The following NYNRIN variants were observed in gnomAD, a reference collection of about 807,000 sequenced individuals.
NYNRIN encodes the protein protein NYNRIN.
NYNRIN carries 86 observed loss-of-function variants against 146.6 expected under a neutral mutation model. The observed-to-expected ratio is 0.59, with a 90% CI of 0.49 to 0.70. The LOEUF is 0.70. NYNRIN is among the 30% of genes least tolerant of loss of function. The pLI, the probability that NYNRIN is intolerant of heterozygous loss-of-function variation, is 0.00. For missense variants in NYNRIN, 2,191 were observed against 2,377.7 expected, an observed-to-expected ratio of 0.92 and a Z score of 1.63; for synonymous variants, 1,027 against 1,001.3, an observed-to-expected ratio of 1.03 and a Z score of -0.48.
chr14:24,414,626 G>A lies in NYNRIN; in HGVS notation c.2877G>A (p.Lys959=), dbSNP rs777315520. The change falls in exon 9 of 9, where the codon AAG becomes AAA. Residue 959 remains lysine, a synonymous_variant. Transcript: ENST00000382554. ...ACACTGACATTGGCAACTTCCTGAA[G>A]GTGTGGAAGACCCTTCCTCCCAGCT... ...RLDTDIGNFL[K]VWKTLPPSSA... 1.3e-5 allele frequency: 21 copies of A among 1,613,204 alleles called. No homozygotes were observed. Among genetic ancestry groups the A allele is most frequent in the Non-Finnish European group, 1.8e-5 (21 of 1,179,458 alleles).
chr14:24,403,030 C>T (rs1217937522), intron 2 of NYNRIN, among the ~76,000 whole-genome samples: 1 of 152,078 alleles, frequency 6.6e-6, no homozygotes, highest in East Asian at 1.9e-4. Context: ...TTTTTTTGGT[C>T]CCATTATCGT....
In NYNRIN at chr14:24,411,526, T is replaced by C; in HGVS notation, c.2642+76T>C. On this transcript the variant is annotated intron_variant, in intron 6 of 8. Transcript: ENST00000382554. This position sits in a 1 kb window ranked among gnomAD's most constrained non-coding sequence, Gnocchi z 4.3. Reference sequence around the variant, plus strand: ...CTGGTGTGTCAGGTGGAGTCCGGCCTGTCTTCTCTGGGGAAATGGAGGCAA... The same window carrying C: ...CTGGTGTGTCAGGTGGAGTCCGGCCCGTCTTCTCTGGGGAAATGGAGGCAA... The C allele has an allele frequency of 7.8e-7, 1 of 1,278,102 alleles. No individual in the cohort carries two copies. Among genetic ancestry groups the C allele is most frequent in the Non-Finnish European group, 1.1e-6 (1 of 882,378 alleles). 79.2% of individuals were successfully genotyped at this position (1,278,102 alleles called of 1,614,324 possible).
chr14:24,409,652 A>G lies in NYNRIN; in HGVS notation c.1858A>G (p.Thr620Ala), dbSNP rs1191717861. 1 of 1,606,854 alleles carries G rather than the reference A, an allele frequency of 6.2e-7. No individual in the cohort carries two copies. Among genetic ancestry groups the G allele is most frequent in the Non-Finnish European group, 8.5e-7 (1 of 1,176,652 alleles). The change falls in exon 4 of 9, where the codon ACA (threonine) becomes GCA (alanine). Residue 620 changes from threonine to alanine, a missense_variant. Coordinates refer to ENST00000382554, the MANE Select transcript of NYNRIN (RefSeq NM_025081.3). The part of the protein sequence containing the change: ...QPVLVAQVEP[T>A]TPKTPQAQKM... ...AGTGTTGGTAGCTCAAGTGGAACCC[A>G]CAACTCCAAAAACTCCCCAGGCTCA... is the stretch of plus-strand genomic sequence containing the variant.
At chr14:24,405,070 G>A (rs1444026057) in intron 2 of NYNRIN, among the ~76,000 whole-genome samples, 1 of 146,788 alleles carries the variant, frequency 6.8e-6, no homozygotes, top group East Asian at 1.9e-4. Context: ...GTGTGTGAAT[G>A]TGTGTGTGTG....
chr14:24,411,567 C>A lies in NYNRIN; in HGVS notation c.2642+117C>A. The A allele has an allele frequency of 1.1e-6, 1 of 882,198 alleles. No individual in the cohort carries two copies. The highest frequency in any genetic ancestry group is 1.5e-5 in the South Asian group (1 of 68,636). 54.6% of individuals were successfully genotyped at this position (882,198 alleles called of 1,614,324 possible). A position where few individuals can be genotyped will look rare whatever the true frequency, so the allele number is the denominator to read the frequency against. On this transcript the variant is annotated intron_variant, in intron 6 of 8. Coordinates refer to ENST00000382554, the MANE Select transcript of NYNRIN (RefSeq NM_025081.3). This position sits in a 1 kb window ranked among gnomAD's most constrained non-coding sequence, Gnocchi z 4.3. ...ATGGAGGCAAACATGTTGGGGGTGT[C>A]GGTTGTGCAGAGGGTGGGGTGGAGC... is the stretch of plus-strand genomic sequence containing the variant.
chr14:24,410,890 C>T (rs2042908560), intron 4 of NYNRIN, among the ~76,000 whole-genome samples, 186 bp from the exon 5 acceptor site: 1 of 152,218 alleles, frequency 6.6e-6, no homozygotes, highest in South Asian at 2.1e-4. Flanking sequence ...CATGCACGCG[C>T]ACACACACAG....
rs776506480 is a variant in NYNRIN, at chr14:24,408,733, G to A, written c.939G>A (p.Thr313=). The A allele has an allele frequency of 2.5e-6, 4 of 1,613,786 alleles. No homozygotes were observed. Among genetic ancestry groups the A allele is most frequent in the Non-Finnish European group, 3.4e-6 (4 of 1,179,864 alleles). Residue 313 remains threonine (T), a synonymous_variant, in exon 4 of 9, where the codon ACG becomes ACA. Coordinates refer to ENST00000382554, the MANE Select transcript of NYNRIN (RefSeq NM_025081.3). ...AAGCCACCAGCAGCCAGGACTCCACGAACCACACACAAGCCTTGTTGAAGC... is the reference window on the plus strand; with the variant it reads ...AAGCCACCAGCAGCCAGGACTCCACAAACCACACACAAGCCTTGTTGAAGC... ...TVQATSSQDS[T]NHTQALLKQR... is the part of the protein sequence containing the mutation.
chr14:24,402,048 G>A (rs949091276), intron 2 of NYNRIN, among the ~76,000 whole-genome samples: 5 of 152,222 alleles, frequency 3.3e-5, no homozygotes, highest in African/African-American at 1.2e-4. Flanking sequence ...GGCTGATGGT[G>A]AGGGTGGCTT....
intron 6 of NYNRIN, 171 bp from the exon 7 acceptor site, chr14:24,412,826 A>G (rs2042920494): frequency 1.9e-6 from 1 of 540,480 alleles, no homozygotes; most frequent in South Asian, 2.0e-5. Context: ...GTGATCTCAC[A>G]TGGCTGCATA....
chr14:24,413,272 T>A, intron 7 of NYNRIN, 44 bp from the exon 8 acceptor site: 1 of 1,564,590 alleles, frequency 6.4e-7, no homozygotes, highest in South Asian at 1.2e-5. Flanking sequence ...TGTGGGTGGG[T>A]CAAGGGCTCA....
At position 24,409,785 on chromosome 14, in the gene NYNRIN, C is replaced by T. The variant is rs1433103582; in HGVS notation, c.1991C>T (p.Ala664Val). Residue 664 changes from alanine (A) to valine (V), a missense_variant, in exon 4 of 9, where the codon GCA (alanine) becomes GTA (valine). Around this residue, in one of 3 missense-constraint regions of NYNRIN, gnomAD observed 895 missense variants for 941.2 expected, o/e 0.95. Coordinates refer to ENST00000382554, the MANE Select transcript of NYNRIN (RefSeq NM_025081.3). ...SKAPAASKAPAAPKVPVTPRV... is the reference protein window; with the variant it reads ...SKAPAASKAPVAPKVPVTPRV... ...GCACCTGCAGCTTCCAAAGCACCTG[C>T]AGCTCCCAAAGTACCTGTGACCCCC... 1 of 1,612,936 alleles carries T rather than the reference C, an allele frequency of 6.2e-7. No individual in the cohort carries two copies. The highest frequency in any genetic ancestry group is 1.1e-5 in the South Asian group (1 of 90,734).
At chr14:24,406,132 T>C (rs750796002) in intron 2 of NYNRIN, among the ~76,000 whole-genome samples, 1 of 151,212 alleles carries the variant, frequency 6.6e-6, no homozygotes, top group African/African-American at 2.4e-5. Flanking sequence ...AGTGGAAAAA[T>C]TCTGGTATCA....
chr14:24,416,286 T>C lies in NYNRIN; in HGVS notation c.4537T>C (p.Ser1513Pro), dbSNP rs2042945356. 1.9e-6 allele frequency: 3 copies of C among 1,613,838 alleles called. No homozygotes were observed. The highest frequency in any genetic ancestry group is 2.5e-6 in the Non-Finnish European group (3 of 1,179,826). Residue 1513 changes from serine to proline, a missense_variant, in exon 9 of 9, where the codon TCA (serine) becomes CCA (proline). Around this residue, in one of 3 missense-constraint regions of NYNRIN, gnomAD observed 1,291 missense variants for 1,417.0 expected, o/e 0.91. Transcript: ENST00000382554. Reference protein sequence around the residue: ...GSSPFSSAFNSLSLDKESGLL... With the variant: ...GSSPFSSAFNPLSLDKESGLL... ...CTCACCGTTTAGTTCTGCCTTTAAC[T>C]CACTCAGCCTCGACAAGGAGAGTGG...
chr14:24,413,147 G>T (rs1030051891), intron 7 of NYNRIN, 49 bp downstream of exon 7: 1 of 1,438,204 alleles, frequency 7.0e-7, no homozygotes, highest in South Asian at 1.2e-5. Flanking sequence ...TTGGATGTCA[G>T]GCAGCCCCTG....
rs2042896092 is a variant in NYNRIN at position 24,409,324 on chromosome 14, G to C, written c.1530G>C (p.Glu510Asp). 6.2e-7 allele frequency: 1 copy of C among 1,613,966 alleles called. No homozygotes were observed. Among genetic ancestry groups the C allele is most frequent in the African/African-American group, 1.3e-5 (1 of 74,952 alleles). The part of the protein sequence containing the change: ...SMQLDFKGLE[E>D]GPAPVLPTGQ... ...AGTTAGATTTTAAGGGACTGGAAGA[G>C]GGACCCGCTCCAGTGCTGCCAACAG... Residue 510 changes from glutamate to aspartate, a missense_variant, in exon 4 of 9, where the codon GAG becomes GAC. Glu to Asp is a conservative substitution (Grantham distance 45). This residue lies in a region of NYNRIN where 895 missense variants were observed against 941.2 expected (regional missense o/e 0.95). Coordinates refer to ENST00000382554, the MANE Select transcript of NYNRIN (RefSeq NM_025081.3).
At chr14:24,402,774 G>A (rs2042852864) in intron 2 of NYNRIN, among the ~76,000 whole-genome samples, 1 of 152,020 alleles carries the variant, frequency 6.6e-6, no homozygotes, top group Admixed American at 6.6e-5. Context: ...TTGTGTTGTG[G>A]GCACTGAATA....
In NYNRIN at chr14:24,413,389, T is replaced by C; in HGVS notation, c.2818T>C (p.Leu940=). The C allele has an allele frequency of 6.2e-7, 1 of 1,612,826 alleles. No homozygotes were observed. The highest frequency in any genetic ancestry group is 1.3e-5 in the African/African-American group (1 of 75,016). Residue 940 remains leucine, a synonymous_variant, in exon 8 of 9, where the codon TTG becomes CTG. Transcript: ENST00000382554. ...DDPLGRDGPT[L]DEFLKKPNRL... is the part of the protein sequence containing the mutation. ...CCCCCTGGGCCGTGATGGCCCCACC[T>C]TGGATGAGTTTCTGAAGAAGCCAAA...
In NYNRIN at chr14:24,405,889, C is replaced by T. The variant is rs948673223; in HGVS notation, c.199-1980C>T. On this transcript the variant is annotated intron_variant, in intron 2 of 8. Coordinates refer to ENST00000382554, the MANE Select transcript of NYNRIN (RefSeq NM_025081.3). ...TAATTTTAAAATATCGGGCCGGGCA[C>T]GGTGGCTCATACCTGTAATCCCAGC... Among the ~76,000 whole-genome samples, 6 of 152,036 alleles carry T rather than the reference C, an allele frequency of 3.9e-5. 1 individual carries two copies. The highest frequency in any genetic ancestry group is 4.1e-4 in the South Asian group (2 of 4,828).
chr14:24,409,520 A>T lies in NYNRIN; in HGVS notation c.1726A>T (p.Met576Leu), dbSNP rs1217821801. 3 of 1,613,252 alleles carry T rather than the reference A, an allele frequency of 1.9e-6. No homozygotes were observed. The highest frequency in any genetic ancestry group is 2.5e-6 in the Non-Finnish European group (3 of 1,179,584). The change falls in exon 4 of 9, where the codon ATG (methionine) becomes TTG (leucine). Residue 576 changes from methionine (M) to leucine (L), a missense_variant. By Grantham distance (15) the Met-to-Leu change is conservative. Around this residue, in one of 3 missense-constraint regions of NYNRIN, gnomAD observed 895 missense variants for 941.2 expected, o/e 0.95. Transcript: ENST00000382554. ...TCCCAAACTGCCTACATCTCGAATG[A>T]TGCTGGCAGTGCACACAGAGCCTGC... ...AAPKLPTSRM[M>L]LAVHTEPAAP...
Sources: allele counts gnomAD v4.1 joint callset (sites outside exome capture counted in the v4.1 genomes callset), GRCh38; gene constraint gnomAD v4.1.1; regional missense constraint gnomAD v4.1.1; non-coding constraint Gnocchi (gnomAD v3.1); transcripts MANE v1.5; gene names NCBI Gene and HGNC (gene_info 2026-07-23, HGNC 2026-07-21).